WDR70: variants seen among roughly 807,000 people sequenced by gnomAD.
WDR70 encodes WD repeat-containing protein 70.
A neutral mutation model predicts 88.6 loss-of-function variants in WDR70; 53 were observed. The ratio of observed to expected loss-of-function variants is 0.60; its 90% confidence interval spans 0.48 to 0.75. The LOEUF is 0.75. Ranked by LOEUF, WDR70 falls within the 30% of genes least tolerant of loss-of-function variation. The pLI is 0.00. For synonymous variants in WDR70, 280 were observed against 270.0 expected, an observed-to-expected ratio of 1.04 and a Z score of -0.36; for missense variants, 610 against 823.2, an observed-to-expected ratio of 0.74 and a Z score of 3.17.
rs1581526168 is a variant in WDR70 at position 37,721,125 on chromosome 5, G to A, written c.1427G>A (p.Arg476His). The A allele has an allele frequency of 1.9e-6, 3 of 1,613,556 alleles. No individual in the cohort carries two copies. Among genetic ancestry groups the A allele is most frequent in the South Asian group, 1.1e-5 (1 of 91,064 alleles). Reference sequence around the variant, plus strand: ...GCTTTTCCTTTGCAGAGTGTTGTTCGCTGCCTGTGGCATCCAAAGCTGAAC... The same window carrying A: ...GCTTTTCCTTTGCAGAGTGTTGTTCACTGCCTGTGGCATCCAAAGCTGAAC... ...EIDITDASVV[R>H]CLWHPKLNQI... The change falls in exon 14 of 18, where the codon CGC becomes CAC. Residue 476 changes from arginine to histidine, a missense_variant. By Grantham distance (29) the Arg-to-His change is conservative (BLOSUM62 0). Transcript: ENST00000265107.
At chr5:37,644,215 A>T (rs975823029) in intron 10 of WDR70, among the ~76,000 whole-genome samples, 10 of 149,476 alleles carry the variant, frequency 6.7e-5, no homozygotes, top group Non-Finnish European at 1.5e-4. Flanking sequence ...ATTTTATCAA[A>T]TGCTTTTTCA....
chr5:37,416,647 T>C (rs796205187), intron 5 of WDR70, among the ~76,000 whole-genome samples: 16 of 150,686 alleles, frequency 1.1e-4, no homozygotes, highest in African/African-American at 3.9e-4. Context: ...TGGGGTGATA[T>C]CGGCTCACTG....
intron 10 of WDR70, among the ~76,000 whole-genome samples, chr5:37,658,636 T>C (rs1160088599): frequency 1.3e-5 from 2 of 152,150 alleles, no homozygotes; most frequent in Admixed American, 1.3e-4. Flanking sequence ...AAAGCCCATA[T>C]AGTACTCCTG....
At chr5:37,532,919 G>C (rs776745958) in intron 9 of WDR70, among the ~76,000 whole-genome samples, 1 of 152,078 alleles carries the variant, frequency 6.6e-6, no homozygotes, top group Non-Finnish European at 1.5e-5. Flanking sequence ...TGGGATTCAA[G>C]GTGGCTGTTC....
intron 13 of WDR70, among the ~76,000 whole-genome samples, chr5:37,706,262 C>T (rs1267190161): frequency 6.6e-6 from 1 of 152,150 alleles, no homozygotes; most frequent in Non-Finnish European, 1.5e-5. Flanking sequence ...GTTTCTTTAA[C>T]ATTTGCTATT....
intron 12 of WDR70, among the ~76,000 whole-genome samples, chr5:37,702,201 T>C (rs1561080460): frequency 6.6e-6 from 1 of 152,228 alleles, no homozygotes; most frequent in East Asian, 1.9e-4. Context: ...CATTTTATGT[T>C]AAAACGAACA....
intron 9 of WDR70, among the ~76,000 whole-genome samples, chr5:37,544,367 C>T (rs1581381838): frequency 6.6e-6 from 1 of 152,060 alleles, no homozygotes; most frequent in African/African-American, 2.4e-5. Context: ...ACAAATTATC[C>T]TCTCTCCCCA....
At chr5:37,705,360 A>G (rs987315030) in intron 13 of WDR70, among the ~76,000 whole-genome samples, 28 of 152,200 alleles carry the variant, frequency 1.8e-4, no homozygotes, top group African/African-American at 6.5e-4. Flanking sequence ...CATTAAATAA[A>G]TAGAACATAC....
At chr5:37,713,976 A>T (rs1392202083) in intron 13 of WDR70, among the ~76,000 whole-genome samples, 1 of 152,228 alleles carries the variant, frequency 6.6e-6, no homozygotes, top group African/African-American at 2.4e-5. Context: ...CTATAATTAA[A>T]ATGCATCCCG....
At chr5:37,477,062 G>A (rs1468685364) in intron 7 of WDR70, among the ~76,000 whole-genome samples, 3 of 152,144 alleles carry the variant, frequency 2.0e-5, no homozygotes, top group African/African-American at 7.2e-5. Flanking sequence ...TTACATATTG[G>A]TATATGCATT....
At chr5:37,726,255 A>G (rs2112704736) in intron 16 of WDR70, among the ~76,000 whole-genome samples, 1 of 152,264 alleles carries the variant, frequency 6.6e-6, no homozygotes, top group South Asian at 2.1e-4. Flanking sequence ...GATTTATGAA[A>G]TTAATCTTTT....
intron 10 of WDR70, among the ~76,000 whole-genome samples, chr5:37,676,672 C>T (rs1435408696): frequency 6.6e-6 from 1 of 151,990 alleles, no homozygotes; most frequent in Admixed American, 6.5e-5. Flanking sequence ...CAATGTTCAT[C>T]AAGGATATTG....
At chr5:37,600,526 C>CA (rs552804920) in intron 9 of WDR70, among the ~76,000 whole-genome samples, 12,248 of 101,084 alleles carry the variant, frequency 0.12, 2,262 homozygotes, top group African/African-American at 0.4. Flanking sequence ...GACTCCGTCT[C>CA]AAAAAAAAAA....
chr5:37,385,460 A>G (rs1251949092), intron 3 of WDR70, among the ~76,000 whole-genome samples: 2 of 140,488 alleles, frequency 1.4e-5, no homozygotes, highest in Admixed American at 7.9e-5. Context: ...TTGAGGCTGC[A>G]GTGAGCTATG....
intron 10 of WDR70, among the ~76,000 whole-genome samples, chr5:37,690,544 G>C (rs1359350454): frequency 6.6e-6 from 1 of 152,158 alleles, no homozygotes; most frequent in Non-Finnish European, 1.5e-5. Flanking sequence ...AAGAGAGTGG[G>C]GGCCAATATT....
At chr5:37,560,614 T>C (rs1359704715) in intron 9 of WDR70, among the ~76,000 whole-genome samples, 1 of 152,200 alleles carries the variant, frequency 6.6e-6, no homozygotes, top group Non-Finnish European at 1.5e-5. Flanking sequence ...GTTATGCAAC[T>C]GCATATTCCA....
chr5:37,560,808 G>GAT (rs1742480296), intron 9 of WDR70, among the ~76,000 whole-genome samples: 1 of 98,946 alleles, frequency 1.0e-5, no homozygotes, highest in African/African-American at 3.6e-5. Flanking sequence ...TGCAGAAGCA[G>GAT]ATTTTTTTTT....
intron 17 of WDR70, among the ~76,000 whole-genome samples, chr5:37,738,563 G>GC (rs5867362): frequency 0.96 from 145,674 of 152,242 alleles, 70,062 homozygotes; most frequent in East Asian, 1. Context: ...GGACAGTCCT[G>GC]TAATACTTTG....
intron 13 of WDR70, among the ~76,000 whole-genome samples, chr5:37,710,362 C>T (rs1281978723): frequency 6.6e-6 from 1 of 152,076 alleles, no homozygotes; most frequent in Non-Finnish European, 1.5e-5. Context: ...CACACACACA[C>T]CCCCTCTTCC....
Sources: allele counts gnomAD v4.1 joint callset (sites outside exome capture counted in the v4.1 genomes callset), GRCh38; gene constraint gnomAD v4.1.1; transcripts MANE v1.5; gene names NCBI Gene and HGNC (gene_info 2026-07-23, HGNC 2026-07-21).